The following UNC79 variants were observed in gnomAD, a reference collection of about 807,000 sequenced individuals.
UNC79 encodes unc-79 subunit of NALCN channel complex, also known as protein unc-79 homolog.
A neutral mutation model predicts 283.1 loss-of-function variants in UNC79; 37 were observed. The ratio of observed to expected loss-of-function variants is 0.13; its 90% CI spans 0.10 to 0.17. The LOEUF is 0.17. Ranked by LOEUF, UNC79 falls within the 10% of genes least tolerant of loss-of-function variation. The pLI is 1.00. For missense variants in UNC79, 2,272 were observed against 3,211.1 expected (o/e 0.71, Z 7.07); for synonymous variants, 1,107 against 1,200.2 (o/e 0.92, Z 1.61).
At chr14:93,386,478 G>C (rs2139998580) in intron 1 of UNC79, among the ~76,000 whole-genome samples, 1 of 152,204 alleles carries the variant, frequency 6.6e-6, no homozygotes, top group East Asian at 1.9e-4. Context: ...TGTAATATTG[G>C]CCTCATAGAA....
chr14:93,499,091 T>C (rs992686859), intron 7 of UNC79, among the ~76,000 whole-genome samples: 1 of 152,250 alleles, frequency 6.6e-6, no homozygotes, highest in African/African-American at 2.4e-5. Flanking sequence ...ATGGTAATAC[T>C]TGTTGTTTGG....
At chr14:93,437,097 ATATACATATACATT>A (rs1480521153) in intron 1 of UNC79, among the ~76,000 whole-genome samples, 1 of 152,168 alleles carries the variant, frequency 6.6e-6, no homozygotes, top group African/African-American at 2.4e-5. Flanking sequence ...ATGCATGTGT[ATATACATATACATT>A]TATGTATATG....
intron 33 of UNC79, 36 bp downstream of exon 36, chr14:93,641,283 C>T (rs993020911): frequency 3.2e-5 from 51 of 1,581,880 alleles, no homozygotes; most frequent in Non-Finnish European, 4.2e-5. Context: ...ACCATGTTTA[C>T]AGAATTTAAG....
intron 7 of UNC79, among the ~76,000 whole-genome samples, chr14:93,501,486 G>A (rs8014750): frequency 0.55 from 83,335 of 151,750 alleles, 23,157 homozygotes; most frequent in Admixed American, 0.64. Flanking sequence ...TCAGGAGATC[G>A]AGACCATCTT....
chr14:93,369,217 A>G (rs777430614), intron 1 of UNC79, among the ~76,000 whole-genome samples: 3 of 152,238 alleles, frequency 2.0e-5, no homozygotes, highest in Non-Finnish European at 4.4e-5. Context: ...TGTTCCAGAC[A>G]ATAAACTTGT....
intron 4 of UNC79, 122 bp downstream of exon 4, chr14:93,477,850 C>A: frequency 1.1e-6 from 1 of 904,586 alleles, no homozygotes; most frequent in Non-Finnish European, 1.6e-6. Context: ...TATACAGGAG[C>A]TATGATTTCA....
chr14:93,641,113 A>G (rs1178552648), intron 32 of UNC79, 32 bp from the exon 36 acceptor site: 2 of 1,597,148 alleles, frequency 1.3e-6, no homozygotes. Flanking sequence ...GCTCATCTAT[A>G]TTCACTGGTT....
intron 14 of UNC79, among the ~76,000 whole-genome samples, chr14:93,567,609 C>A (rs951412586): frequency 6.6e-6 from 1 of 152,210 alleles, no homozygotes; most frequent in Non-Finnish European, 1.5e-5. Flanking sequence ...AGTCTCTGAG[C>A]CTACTCTGGC....
intron 4 of UNC79, among the ~76,000 whole-genome samples, chr14:93,485,321 C>A (rs547461006): frequency 6.6e-6 from 1 of 151,552 alleles, no homozygotes; most frequent in East Asian, 1.9e-4. Context: ...ACAAAGGGCA[C>A]AGGGTGTGCA....
intron 3 of UNC79, among the ~76,000 whole-genome samples, chr14:93,476,023 G>C (rs1213396927): frequency 2.0e-5 from 3 of 152,234 alleles, no homozygotes; most frequent in African/African-American, 7.2e-5. Context: ...CTTGAAGCAT[G>C]GTCTGAAAAA....
At chr14:93,347,226 C>G (rs1009846502) in intron 1 of UNC79, 6 of 1,559,706 alleles carry the variant, frequency 3.8e-6, no homozygotes, top group African/African-American at 2.8e-5. Flanking sequence ...GGCCTCACCT[C>G]ACCTGTGCTG....
At chr14:93,398,315 C>A (rs1009658142) in intron 1 of UNC79, among the ~76,000 whole-genome samples, 1 of 151,908 alleles carries the variant, frequency 6.6e-6, no homozygotes, top group African/African-American at 2.4e-5. Context: ...GGATAATAAG[C>A]CAAGGAAAGT....
At position 93,621,652 on chromosome 14, in the gene UNC79, G is replaced by A. The variant is rs755525028; in HGVS notation, c.4419G>A (p.Thr1473=). 6.3e-7 allele frequency: 1 copy of A among 1,591,912 alleles called. No individual in the cohort carries two copies. Among genetic ancestry groups the A allele is most frequent in the Non-Finnish European group, 8.5e-7 (1 of 1,169,980 alleles). ...TAGAACTGGCTGAATATAGAGAGAC[G>A]GGTGCATTACAAGACAGCCTTCTCC... The change falls in exon 30 of 49, where the codon ACG becomes ACA. Residue 1473 remains threonine (T), a synonymous_variant. Coordinates refer to ENST00000555664, the Ensembl canonical transcript of UNC79. The surrounding 1 kb of genome is among the most constrained non-coding windows in gnomAD (Gnocchi z 4.8).
At chr14:93,664,367 G>A (rs144634973) in intron 40 of UNC79, among the ~76,000 whole-genome samples, 1 of 152,268 alleles carries the variant, frequency 6.6e-6, no homozygotes, top group East Asian at 1.9e-4. Flanking sequence ...TTTATAGAAT[G>A]AAAGGGGCAA....
chr14:93,647,816 C>T (rs952495682), intron 35 of UNC79, among the ~76,000 whole-genome samples: 1 of 152,156 alleles, frequency 6.6e-6, no homozygotes, highest in African/African-American at 2.4e-5. Flanking sequence ...TTAATTGACT[C>T]ACAGTTCCAC....
chr14:93,452,375 ATTTTTTTTTTTTT>A (rs35284465), intron 1 of UNC79, among the ~76,000 whole-genome samples: 2 of 108,864 alleles, frequency 1.8e-5, no homozygotes, highest in African/African-American at 3.7e-5. Context: ...GGACTGCATG[ATTTTTTTTTTTTT>A]TTTTTTTTTG....
At position 93,630,796 on chromosome 14, in the gene UNC79, T is replaced by C. The variant is rs775473550; in HGVS notation, c.5609-5T>C. ...CTGAGTTTTAAATAATATTTCTGTT[T>C]GTAGATCCTTCTACTAAAGGACTTT... On this transcript the variant is annotated splice_region_variant and splice_polypyrimidine_tract_variant and intron_variant, in intron 30 of 48. Transcript: ENST00000555664. 13 of 1,612,254 alleles carry C rather than the reference T, an allele frequency of 8.1e-6. No individual in the cohort carries two copies. The Admixed American group carries it at 2.0e-4, about 25-fold the overall frequency.
rs752252071 is a variant in UNC79 at position 93,593,837 on chromosome 14, GGTACCTCTGT to G, written c.3190+3_3190+12del. The G allele has an allele frequency of 6.2e-7, 1 of 1,612,688 alleles. No individual in the cohort carries two copies. Among genetic ancestry groups the G allele is most frequent in the Non-Finnish European group, 8.5e-7 (1 of 1,179,272 alleles). ...AGACTGGAAGATGAGGTTTGAAGCA[GGTACCTCTGT>G]GTTAGCTTAAAACTCATTCTGGGTC... is the stretch of plus-strand genomic sequence containing the variant. On this transcript the variant is annotated splice_donor_variant and splice_donor_5th_base_variant and intron_variant, in intron 23 of 48. Coordinates refer to ENST00000555664, the Ensembl canonical transcript of UNC79. LOFTEE classifies it high-confidence loss of function.
Position 93,418,506 on chromosome 14 carries a change from T to G in UNC79, c.-350-49165T>G, listed in dbSNP as rs541121998. Among the ~76,000 whole-genome samples, 2 of 151,886 alleles carry G rather than the reference T, an allele frequency of 1.3e-5. 1 individual carries two copies. Among genetic ancestry groups the G allele is most frequent in the East Asian group, 3.9e-4 (2 of 5,122 alleles). ...ACTTGAGGAGGCAGTCTGCCCGTTC[T>G]CAGATCTCCAGCTGCATGCTGGGAG... On this transcript the variant is annotated intron_variant, in intron 1 of 49. Transcript: ENST00000256339.
Sources: gnomAD v4.1 joint callset for allele counts (sites outside exome capture counted in the v4.1 genomes callset) on GRCh38, gnomAD v4.1.1 for gene constraint, Gnocchi (gnomAD v3.1) non-coding constraint, MANE v1.5 for transcripts, NCBI Gene and HGNC (gene_info 2026-07-23, HGNC 2026-07-21) for gene names.